The following IGF2R variants were observed in gnomAD, a reference collection of about 807,000 sequenced individuals.
IGF2R encodes the protein cation-independent mannose-6-phosphate receptor.
A neutral mutation model predicts 270.6 loss-of-function variants in IGF2R; 91 were observed. That is an observed-to-expected ratio of 0.34 (90% CI 0.28 to 0.40). The LOEUF is 0.40. Ranked by LOEUF, IGF2R falls within the 10% of genes least tolerant of loss-of-function variation. The pLI is 1.00. For synonymous variants in IGF2R, 1,316 were observed against 1,258.9 expected, an observed-to-expected ratio of 1.05 and a Z score of -0.96; for missense variants, 2,805 against 3,188.3, an observed-to-expected ratio of 0.88 and a Z score of 2.90.
chr6:160,109,633 C>G lies in IGF2R; in HGVS notation c.*4549C>G, dbSNP rs867397859. 1 of 152,158 alleles carries G rather than the reference C, an allele frequency of 6.6e-6. No homozygotes were observed. The highest frequency in any genetic ancestry group is 1.5e-5 in the Non-Finnish European group (1 of 68,030). 9.4% of individuals were successfully genotyped at this position (152,158 alleles called of 1,614,324 possible). ...TGTTGACAGCTGTCACAATGATGCC[C>G]TTTTCAGTAGAGGAGCCTGTGATGG... On this transcript the variant is annotated 3_prime_UTR_variant, in exon 48 of 48. Coordinates refer to ENST00000356956, the MANE Select transcript of IGF2R (RefSeq NM_000876.4).
intron 44 of IGF2R, among the ~76,000 whole-genome samples, chr6:160,091,826 G>A (rs1158816056): frequency 6.6e-6 from 1 of 152,224 alleles, no homozygotes; most frequent in East Asian, 1.9e-4. Flanking sequence ...TGCAGAGAAG[G>A]AAAGTCTAGG....
Position 160,050,689 on chromosome 6 carries a change from G to C in IGF2R, c.2694+37G>C, listed in dbSNP as rs1449878835. ...CTGCTGGCTGGTGACCTTCACTGCT[G>C]CATTTTTTGACTGAGCGTTGCCTTA... On this transcript the variant is annotated intron_variant, in intron 19 of 47. Transcript: ENST00000356956. This position sits in a 1 kb window ranked among gnomAD's most constrained non-coding sequence, Gnocchi z 4.0. 6.4e-7 allele frequency: 1 copy of C among 1,557,994 alleles called. No homozygotes were observed. Among genetic ancestry groups the C allele is most frequent in the Admixed American group, 1.8e-5 (1 of 55,096 alleles).
At position 160,107,712 on chromosome 6, in the gene IGF2R, A is replaced by G. The variant is rs1262040523; in HGVS notation, c.*2628A>G. On this transcript the variant is annotated 3_prime_UTR_variant, in exon 48 of 48. Transcript: ENST00000356956. ...CAAGGAAATCCACAGTGAAGTGGAA[A>G]TCTGGTTCTTATGAACATTTTAAGA... 1 of 152,236 alleles carries G rather than the reference A, an allele frequency of 6.6e-6. No homozygotes were observed. The highest frequency in any genetic ancestry group is 1.9e-4 in the East Asian group (1 of 5,198). 9.4% of individuals were successfully genotyped at this position (152,236 alleles called of 1,614,324 possible). A position where few individuals can be genotyped will look rare whatever the true frequency, so the allele number is the denominator to read the frequency against.
chr6:160,070,433 C>T (rs879664118), intron 31 of IGF2R, among the ~76,000 whole-genome samples: 3 of 152,188 alleles, frequency 2.0e-5, no homozygotes, highest in Non-Finnish European at 4.4e-5. Context: ...TGCCACTTCC[C>T]AGCCACATAA....
At chr6:160,068,063 GGGGTGTGTGTGTGTGTGTGT>G (rs1324424099) in intron 29 of IGF2R, among the ~76,000 whole-genome samples, 166 bp from the exon 30 acceptor site, 8 of 95,200 alleles carry the variant, frequency 8.4e-5, no homozygotes, top group East Asian at 3.1e-4. Context: ...ATTCTGATGG[GGGGTGTGTGTGTGTGTGTGT>G]GTGTGTGTGT....
chr6:160,046,542 T>A lies in IGF2R; in HGVS notation c.1948T>A (p.Tyr650Asn). ...ACCTCTCACAAAGAAAAATGGTGCC[T>A]ATAAAGTTGAGACAAAGAAGTATGA... Reference protein sequence around the residue: ...LSPLTKKNGAYKVETKKYDFY... With the variant: ...LSPLTKKNGANKVETKKYDFY... Residue 650 changes from tyrosine (Y) to asparagine (N), a missense_variant, in exon 15 of 48, where the codon TAT becomes AAT. Physicochemically the swap from Tyr to Asn is moderately radical, Grantham distance 143 (BLOSUM62 -2). This residue lies in a region of IGF2R where 954 missense variants were observed against 981.1 expected (regional missense o/e 0.97). Coordinates refer to ENST00000356956, the MANE Select transcript of IGF2R (RefSeq NM_000876.4). The A allele has an allele frequency of 1.2e-6, 2 of 1,613,674 alleles. No homozygotes were observed. The highest frequency in any genetic ancestry group is 1.7e-6 in the Non-Finnish European group (2 of 1,179,900).
At chr6:160,045,523 C>T (rs1220241927) in intron 13 of IGF2R, among the ~76,000 whole-genome samples, 1 of 152,172 alleles carries the variant, frequency 6.6e-6, no homozygotes, top group Non-Finnish European at 1.5e-5. Context: ...ACGAGCTCTC[C>T]ATTCCCTCTC....
intron 19 of IGF2R, among the ~76,000 whole-genome samples, chr6:160,053,763 G>T (rs1314918932): frequency 6.6e-6 from 1 of 152,114 alleles, no homozygotes; most frequent in Non-Finnish European, 1.5e-5. Flanking sequence ...CGTGTAGTGG[G>T]TGTAATCATT....
intron 1 of IGF2R, among the ~76,000 whole-genome samples, chr6:159,978,653 TAA>T (rs372542236): frequency 6.8e-6 from 1 of 146,568 alleles, no homozygotes; most frequent in Non-Finnish European, 1.5e-5. Flanking sequence ...CTGTGCAACT[TAA>T]AAAAAAAAAG....
In IGF2R at chr6:160,110,110, A is replaced by G. The variant is rs974101836; in HGVS notation, c.*5026A>G. ...AGAGTTGCTGACCACACGTGAAATC[A>G]CAATAGAAAATGGCCAGCAGGCCTC... On this transcript the variant is annotated 3_prime_UTR_variant, in exon 48 of 48. Transcript: ENST00000356956. The G allele has an allele frequency of 6.6e-6, 1 of 152,240 alleles. No individual in the cohort carries two copies. The highest frequency in any genetic ancestry group is 1.5e-5 in the Non-Finnish European group (1 of 68,046). 9.4% of individuals were successfully genotyped at this position (152,240 alleles called of 1,614,324 possible).
At chr6:159,970,595 TGGAAGG>T (rs1360673603) in intron 1 of IGF2R, among the ~76,000 whole-genome samples, 3 of 152,168 alleles carry the variant, frequency 2.0e-5, no homozygotes, top group Non-Finnish European at 4.4e-5. Flanking sequence ...CTCCCTTTTT[TGGAAGG>T]GGAAGGGTGG....
intron 2 of IGF2R, 129 bp downstream of exon 2, chr6:159,991,452 A>C: frequency 1.4e-6 from 1 of 708,600 alleles, no homozygotes; most frequent in Non-Finnish European, 2.3e-6. Flanking sequence ...AAGTGTTTAT[A>C]ATACATAATA....
At chr6:160,001,010 T>TA (rs1251606659) in intron 2 of IGF2R, among the ~76,000 whole-genome samples, 2 of 152,072 alleles carry the variant, frequency 1.3e-5, no homozygotes, top group African/African-American at 4.8e-5. Context: ...GTGCTGGGAT[T>TA]ACAGGTGTGA....
At chr6:159,987,918 G>C (rs1783913047) in intron 1 of IGF2R, among the ~76,000 whole-genome samples, 1 of 152,142 alleles carries the variant, frequency 6.6e-6, no homozygotes, top group Non-Finnish European at 1.5e-5. Flanking sequence ...GCCTTGTGCT[G>C]AGTGGTTAAA....
chr6:160,084,513 G>C lies in IGF2R; in HGVS notation c.6068+329G>C, dbSNP rs994878675. Among the ~76,000 whole-genome samples, 2 of 152,086 alleles carry C rather than the reference G, an allele frequency of 1.3e-5. No homozygotes were observed. Among genetic ancestry groups the C allele is most frequent in the Non-Finnish European group, 2.9e-5 (2 of 68,020 alleles). On this transcript the variant is annotated intron_variant, in intron 40 of 47. Transcript: ENST00000356956. This position sits in a 1 kb window ranked among gnomAD's most constrained non-coding sequence, Gnocchi z 4.6. ...TTGTGGGAGGCGTGTGGGTTTTCTCGGGTCTTTGGCAGGAGCTCCTTAGGC... is the reference window on the plus strand; with the variant it reads ...TTGTGGGAGGCGTGTGGGTTTTCTCCGGTCTTTGGCAGGAGCTCCTTAGGC...
At chr6:160,068,060 TG>T (rs368684860) in intron 29 of IGF2R, among the ~76,000 whole-genome samples, 188 bp from the exon 30 acceptor site, 174 of 118,028 alleles carry the variant, frequency 1.5e-3, no homozygotes, top group African/African-American at 5.2e-3. Context: ...CTGATTCTGA[TG>T]GGGGGTGTGT....
intron 27 of IGF2R, 109 bp from the exon 28 acceptor site, chr6:160,064,292 G>A: frequency 8.0e-7 from 1 of 1,253,078 alleles, no homozygotes; most frequent in Non-Finnish European, 1.2e-6. Context: ...GGAGGCCAGG[G>A]ATACTTTGTC....
At chr6:159,976,576 T>C (rs1442323462) in intron 1 of IGF2R, among the ~76,000 whole-genome samples, 1 of 152,184 alleles carries the variant, frequency 6.6e-6, no homozygotes, top group Non-Finnish European at 1.5e-5. Context: ...TCATTTTGCA[T>C]AATTAAGAAA....
In IGF2R at chr6:160,050,507, T is replaced by C. The variant is rs751718234; in HGVS notation, c.2549T>C (p.Leu850Ser). Residue 850 changes from leucine to serine, a missense_variant, in exon 19 of 48, where the codon TTG becomes TCG. Leu to Ser is a moderately radical substitution (Grantham distance 145). This residue lies in a region of IGF2R where 1,851 missense variants were observed against 2,207.2 expected (regional missense o/e 0.84). Transcript: ENST00000356956. The surrounding 1 kb of genome is among the most constrained non-coding windows in gnomAD (Gnocchi z 4.0). ...SFTEVVSISN[L>S]GMAKTGPVVE... Reference sequence around the variant, plus strand: ...ACTGAAGTGGTTTCCATCAGTAACTTGGGAATGGCAAAGACCGGCCCGGTG... The same window carrying C: ...ACTGAAGTGGTTTCCATCAGTAACTCGGGAATGGCAAAGACCGGCCCGGTG... 1 of 1,613,472 alleles carries C rather than the reference T, an allele frequency of 6.2e-7. No homozygotes were observed. Among genetic ancestry groups the C allele is most frequent in the Non-Finnish European group, 8.5e-7 (1 of 1,179,480 alleles).
Sources: allele counts gnomAD v4.1 joint callset (sites outside exome capture counted in the v4.1 genomes callset), GRCh38; gene constraint gnomAD v4.1.1; regional missense constraint gnomAD v4.1.1; non-coding constraint Gnocchi (gnomAD v3.1); transcripts MANE v1.5; gene names NCBI Gene and HGNC (gene_info 2026-07-23, HGNC 2026-07-21).